CNTNAP4: variants seen among roughly 807,000 people sequenced by gnomAD.
CNTNAP4 encodes the protein contactin associated protein family member 4, also known as contactin-associated protein-like 4.
In CNTNAP4, 98 loss-of-function variants were observed where a neutral mutation model predicts 148.4. The ratio of observed to expected loss-of-function variants is 0.66; its 90% confidence interval spans 0.56 to 0.78. CNTNAP4 has a LOEUF of 0.78. Among genes scored for constraint, CNTNAP4 ranks in the 30% least tolerant of loss-of-function variants. CNTNAP4 has a pLI of 0.00. For missense variants in CNTNAP4, 1,935 were observed against 1,565.6 expected (o/e 1.24, Z -3.98); for synonymous variants, 730 against 565.1 (o/e 1.29, Z -4.14).
At chr16:76,445,044 G>A (rs2143094250) in intron 4 of CNTNAP4, among the ~76,000 whole-genome samples, 1 of 152,230 alleles carries the variant, frequency 6.6e-6, no homozygotes, top group South Asian at 2.1e-4. Context: ...AATCCTCAGA[G>A]CTCTCTCTTA....
chr16:76,427,552 C>G lies in CNTNAP4; in HGVS notation c.491C>G (p.Pro164Arg), dbSNP rs1188523569. 1.2e-6 allele frequency: 2 copies of G among 1,613,008 alleles called. No individual in the cohort carries two copies. Among genetic ancestry groups the G allele is most frequent in the East Asian group, 2.2e-5 (1 of 44,848 alleles). The change falls in exon 4 of 24, where the codon CCC becomes CGC. Residue 164 changes from proline (P) to arginine (R), a missense_variant. Coordinates refer to ENST00000611870, the MANE Select transcript of CNTNAP4 (RefSeq NM_033401.5). ...FLRFIPLEWN[P>R]KGRIGMRIEV... ...CGCTTCATCCCTTTGGAATGGAACC[C>G]CAAGGGCAGAATTGGAATGCGAATC...
chr16:76,524,661 T>C (rs1296579899), intron 17 of CNTNAP4, among the ~76,000 whole-genome samples: 1 of 152,198 alleles, frequency 6.6e-6, no homozygotes, highest in Non-Finnish European at 1.5e-5. Flanking sequence ...GATCATGTGA[T>C]ACAATTTTAA....
intron 10 of CNTNAP4, among the ~76,000 whole-genome samples, chr16:76,470,987 TACTC>T (rs1343377180): frequency 1.3e-5 from 2 of 152,086 alleles, no homozygotes; most frequent in Non-Finnish European, 2.9e-5. Flanking sequence ...TATTAATCCT[TACTC>T]ATGCACACTC....
chr16:76,302,482 C>G (rs896565236), intron 1 of CNTNAP4, among the ~76,000 whole-genome samples: 5 of 152,068 alleles, frequency 3.3e-5, no homozygotes, highest in South Asian at 4.1e-4. Context: ...TTCTATAACA[C>G]GGTGATTTTC....
chr16:76,319,607 AG>A (rs1318961652), intron 2 of CNTNAP4, among the ~76,000 whole-genome samples: 1 of 152,078 alleles, frequency 6.6e-6, no homozygotes, highest in Non-Finnish European at 1.5e-5. Context: ...TACTGGATTA[AG>A]GGGTGGGGGG....
chr16:76,453,615 G>T (rs771318770), intron 8 of CNTNAP4, among the ~76,000 whole-genome samples: 28 of 152,098 alleles, frequency 1.8e-4, no homozygotes, highest in Non-Finnish European at 2.5e-4. Context: ...AGATTCCATT[G>T]TACTACTCCT....
intron 3 of CNTNAP4, among the ~76,000 whole-genome samples, chr16:76,362,934 AC>A (rs1479985265): frequency 7.2e-5 from 11 of 152,188 alleles, no homozygotes; most frequent in Admixed American, 5.2e-4. Context: ...AAAAGAATAC[AC>A]AATGGGGGCC....
intron 17 of CNTNAP4, among the ~76,000 whole-genome samples, chr16:76,524,870 A>G (rs1347476334): frequency 6.6e-6 from 1 of 152,192 alleles, no homozygotes; most frequent in Non-Finnish European, 1.5e-5. Flanking sequence ...TATACTGTTA[A>G]TAAAAATCTG....
intron 15 of CNTNAP4, among the ~76,000 whole-genome samples, chr16:76,503,396 A>G (rs543057840): frequency 6.6e-6 from 1 of 152,326 alleles, no homozygotes; most frequent in African/African-American, 2.4e-5. Context: ...ACCAACCTTA[A>G]GTGAGAATGA....
At chr16:76,499,828 T>C (rs1237278839) in intron 15 of CNTNAP4, among the ~76,000 whole-genome samples, 2 of 152,024 alleles carry the variant, frequency 1.3e-5, no homozygotes, top group East Asian at 1.9e-4. Context: ...TTAATCCATT[T>C]AACCCTTAGT....
At chr16:76,465,355 C>G (rs566724790) in intron 9 of CNTNAP4, among the ~76,000 whole-genome samples, 5 of 152,292 alleles carry the variant, frequency 3.3e-5, no homozygotes, top group African/African-American at 1.2e-4. Context: ...TTGAACCCCT[C>G]TTTGTTCATA....
intron 4 of CNTNAP4, among the ~76,000 whole-genome samples, chr16:76,435,354 A>G (rs1437643147): frequency 6.6e-6 from 1 of 152,158 alleles, no homozygotes; most frequent in Non-Finnish European, 1.5e-5. Context: ...AGAGCTCTAT[A>G]CAAGTCAGAC....
intron 1 of CNTNAP4, among the ~76,000 whole-genome samples, chr16:76,284,776 T>C (rs1462049455): frequency 6.6e-6 from 1 of 152,032 alleles, no homozygotes; most frequent in Non-Finnish European, 1.5e-5. Context: ...TGTGTATGCA[T>C]GCATTTATTT....
At chr16:76,415,027 AAAG>A (rs1324613827) in intron 3 of CNTNAP4, among the ~76,000 whole-genome samples, 1 of 151,190 alleles carries the variant, frequency 6.6e-6, no homozygotes, top group Non-Finnish European at 1.5e-5. Context: ...CCTCTTGTAG[AAAG>A]AAGAATATAC....
At position 76,553,349 on chromosome 16, in the gene CNTNAP4, C is replaced by T; in HGVS notation, c.3509C>T (p.Ala1170Val). Residue 1170 changes from alanine to valine, a missense_variant, in exon 22 of 24, where the codon GCA (alanine) becomes GTA (valine). Ala to Val is a moderately conservative substitution (Grantham distance 64). Coordinates refer to ENST00000611870, the MANE Select transcript of CNTNAP4 (RefSeq NM_033401.5). ...GAQGFTGCLS[A>V]VQLSHVAPLK... ...CAGGGCTTCACAGGCTGCCTCTCTG[C>T]AGTGCAGCTCAGCCACGTGGCCCCT... 2 of 1,612,796 alleles carry T rather than the reference C, an allele frequency of 1.2e-6. No individual in the cohort carries two copies. The highest frequency in any genetic ancestry group is 1.7e-6 in the Non-Finnish European group (2 of 1,179,342).
intron 10 of CNTNAP4, among the ~76,000 whole-genome samples, chr16:76,471,616 T>C (rs2081380159): frequency 6.6e-6 from 1 of 152,074 alleles, no homozygotes; most frequent in Admixed American, 6.6e-5. Flanking sequence ...TCCTCTTCCT[T>C]TCTGGTGGAG....
At chr16:76,490,286 G>T (rs774700071) in intron 13 of CNTNAP4, among the ~76,000 whole-genome samples, 1 of 152,134 alleles carries the variant, frequency 6.6e-6, no homozygotes, top group Non-Finnish European at 1.5e-5. Context: ...ATTATTCTAC[G>T]TGCCTCTTTC....
At chr16:76,383,751 C>T (rs528088346) in intron 3 of CNTNAP4, among the ~76,000 whole-genome samples, 69 of 152,132 alleles carry the variant, frequency 4.5e-4, no homozygotes, top group African/African-American at 1.4e-3. Context: ...GAGATATTTA[C>T]GCATGAAATA....
intron 3 of CNTNAP4, among the ~76,000 whole-genome samples, chr16:76,379,044 G>A (rs887858776): frequency 1.3e-5 from 2 of 152,008 alleles, no homozygotes; most frequent in Non-Finnish European, 2.9e-5. Context: ...GTAAACTTAG[G>A]GCCTCTGGGT....
Sources: allele counts gnomAD v4.1 joint callset (sites outside exome capture counted in the v4.1 genomes callset), GRCh38; gene constraint gnomAD v4.1.1; transcripts MANE v1.5; gene names NCBI Gene and HGNC (gene_info 2026-07-23, HGNC 2026-07-21).